The following SLC16A9 variants were observed in gnomAD, a reference collection of about 807,000 sequenced individuals.
The protein encoded by SLC16A9 is monocarboxylate transporter 9.
In SLC16A9, 26 loss-of-function variants were observed where a neutral mutation model predicts 44.3. The observed-to-expected ratio is 0.59, with a 90% CI of 0.43 to 0.81. The LOEUF (loss-of-function observed/expected upper bound fraction) is 0.81. SLC16A9 is among the 40% of genes least tolerant of loss of function. SLC16A9 has a pLI of 0.00. For missense variants in SLC16A9, 559 were observed against 595.8 expected (o/e 0.94, Z 0.64); for synonymous variants, 230 against 225.1 (o/e 1.02, Z -0.19).
intron 1 of SLC16A9, among the ~76,000 whole-genome samples, chr10:59,684,920 A>C (rs1334140397): frequency 6.6e-6 from 1 of 152,120 alleles, no homozygotes; most frequent in Non-Finnish European, 1.5e-5. Context: ...ATCTGAGGTG[A>C]GGCGGCTCCC....
intron 5 of SLC16A9, 73 bp downstream of exon 5, chr10:59,653,602 T>A: frequency 7.7e-7 from 1 of 1,296,284 alleles, no homozygotes; most frequent in Non-Finnish European, 1.1e-6. Flanking sequence ...ACTATTACAA[T>A]CTGGACCTCT....
intron 2 of SLC16A9, among the ~76,000 whole-genome samples, chr10:59,676,922 CA>C (rs35816952): frequency 0.51 from 53,390 of 104,926 alleles, 11,091 homozygotes; most frequent in East Asian, 0.72. Context: ...ACTCTTGTCT[CA>C]AAAAAAAAAA....
At chr10:59,682,936 G>A (rs1840055201) in intron 2 of SLC16A9, among the ~76,000 whole-genome samples, 1 of 151,894 alleles carries the variant, frequency 6.6e-6, no homozygotes, top group African/African-American at 2.4e-5. Flanking sequence ...AGATGATCCT[G>A]CATTGTTTTT....
At chr10:59,692,936 A>T (rs953630818) in intron 1 of SLC16A9, among the ~76,000 whole-genome samples, 1 of 152,256 alleles carries the variant, frequency 6.6e-6, no homozygotes, top group Admixed American at 6.5e-5. Context: ...AAATATATTT[A>T]AAACAAACTG....
chr10:59,693,780 C>T (rs960473051), intron 1 of SLC16A9, among the ~76,000 whole-genome samples: 26 of 151,332 alleles, frequency 1.7e-4, no homozygotes, highest in African/African-American at 3.6e-4. Context: ...CCACCACACC[C>T]GGCTAATTTT....
intron 1 of SLC16A9, among the ~76,000 whole-genome samples, chr10:59,701,737 T>G (rs1191355654): frequency 6.6e-6 from 1 of 152,182 alleles, no homozygotes; most frequent in Non-Finnish European, 1.5e-5. Context: ...AACCCACAGC[T>G]CACGACTCAG....
intron 2 of SLC16A9, among the ~76,000 whole-genome samples, chr10:59,680,568 T>C (rs956192477): frequency 6.6e-6 from 1 of 152,214 alleles, no homozygotes; most frequent in Admixed American, 6.5e-5. Flanking sequence ...CTCTTTATTT[T>C]AAAAATGTCA....
At chr10:59,673,121 T>C (rs928767353) in intron 2 of SLC16A9, among the ~76,000 whole-genome samples, 3 of 152,190 alleles carry the variant, frequency 2.0e-5, no homozygotes, top group African/African-American at 7.2e-5. Flanking sequence ...GTTAGTCCCA[T>C]TCTTTTTGAT....
At chr10:59,694,899 T>C (rs1216686028) in intron 1 of SLC16A9, among the ~76,000 whole-genome samples, 1 of 149,534 alleles carries the variant, frequency 6.7e-6, no homozygotes, top group Non-Finnish European at 1.5e-5. Flanking sequence ...ATATAGATAA[T>C]GGATCCAAAT....
chr10:59,679,201 C>T (rs1839933519), intron 2 of SLC16A9, among the ~76,000 whole-genome samples: 2 of 151,784 alleles, frequency 1.3e-5, no homozygotes, highest in Admixed American at 1.3e-4. Flanking sequence ...ACAGAACCAC[C>T]GTTTCCTTGA....
At chr10:59,653,442 A>AAAAAAAAAAAAAAAAAAAAAC (rs1291164502) in intron 5 of SLC16A9, among the ~76,000 whole-genome samples, 3 of 149,394 alleles carry the variant, frequency 2.0e-5, no homozygotes, top group Non-Finnish European at 3.0e-5. Context: ...AAAAAAAAAA[A>AAAAAAAAAAAAAAAAAAAAAC]AAAGCAGGCA....
At chr10:59,680,898 A>T (rs1839970114) in intron 2 of SLC16A9, among the ~76,000 whole-genome samples, 2 of 151,988 alleles carry the variant, frequency 1.3e-5, no homozygotes, top group African/African-American at 4.8e-5. Flanking sequence ...TGGGAGGATC[A>T]CTTGAACCCG....
chr10:59,659,145 T>C (rs150370332), intron 4 of SLC16A9, among the ~76,000 whole-genome samples: 11 of 152,344 alleles, frequency 7.2e-5, no homozygotes, highest in African/African-American at 2.4e-4. Flanking sequence ...AATGCTTTTA[T>C]ATTTAAAAAT....
chr10:59,662,890 G>A (rs997694697), intron 4 of SLC16A9, among the ~76,000 whole-genome samples: 4 of 152,104 alleles, frequency 2.6e-5, no homozygotes, highest in African/African-American at 9.7e-5. Context: ...CAAGGATCTA[G>A]AACTAGAAAT....
At chr10:59,694,099 G>A (rs1168548678) in intron 1 of SLC16A9, among the ~76,000 whole-genome samples, 6 of 151,816 alleles carry the variant, frequency 4.0e-5, no homozygotes, top group Admixed American at 2.6e-4. Flanking sequence ...CACCACGCCC[G>A]GTAACTTTTT....
At chr10:59,693,114 G>A (rs1307439884) in intron 1 of SLC16A9, among the ~76,000 whole-genome samples, 1 of 152,076 alleles carries the variant, frequency 6.6e-6, no homozygotes, top group African/African-American at 2.4e-5. Context: ...ACTGTTCAAG[G>A]GGTAAAAAGT....
intron 3 of SLC16A9, among the ~76,000 whole-genome samples, chr10:59,669,711 C>T (rs1021089579): frequency 2.6e-5 from 4 of 152,110 alleles, no homozygotes; most frequent in African/African-American, 9.7e-5. Context: ...TGGCTTGCTC[C>T]TGTAGTCCCA....
intron 1 of SLC16A9, among the ~76,000 whole-genome samples, chr10:59,701,250 T>C (rs1034445148): frequency 6.6e-6 from 1 of 152,178 alleles, no homozygotes; most frequent in Non-Finnish European, 1.5e-5. Context: ...AATCAGACTC[T>C]TCCTCTCCAT....
chr10:59,666,308 A>AT (rs912130401), intron 3 of SLC16A9, among the ~76,000 whole-genome samples: 4 of 151,932 alleles, frequency 2.6e-5, no homozygotes, highest in African/African-American at 9.7e-5. Context: ...CAAAAAAAAA[A>AT]AAAAAAGAAA....
Sources: allele counts gnomAD v4.1 joint callset (sites outside exome capture counted in the v4.1 genomes callset), GRCh38; gene constraint gnomAD v4.1.1; transcripts MANE v1.5; gene names NCBI Gene and HGNC (gene_info 2026-07-23, HGNC 2026-07-21).